CACNA2D3: variants seen among roughly 807,000 people sequenced by gnomAD.
The protein encoded by CACNA2D3 is voltage-dependent calcium channel subunit alpha-2/delta-3.
In CACNA2D3, 60 loss-of-function variants were observed where a neutral mutation model predicts 160.6. That is an observed-to-expected ratio of 0.37 (90% CI 0.30 to 0.46). The LOEUF (loss-of-function observed/expected upper bound fraction) is 0.46, where lower values mean the gene tolerates loss of function less well. CACNA2D3 is among the 20% of genes least tolerant of loss of function. The pLI is 1.00. For synonymous variants in CACNA2D3, 558 were observed against 492.9 expected (o/e 1.13, Z -1.75); for missense variants, 1,205 against 1,365.0 (o/e 0.88, Z 1.85).
intron 2 of CACNA2D3, among the ~76,000 whole-genome samples, chr3:54,165,714 C>A (rs1314634241): frequency 8.6e-5 from 13 of 151,826 alleles, no homozygotes; most frequent in Non-Finnish European, 1.5e-5. Context: ...GGGAGGATTG[C>A]TCGAGCCCAG....
chr3:54,250,874 G>A (rs1407921050), intron 2 of CACNA2D3, among the ~76,000 whole-genome samples: 2 of 152,168 alleles, frequency 1.3e-5, no homozygotes, highest in Non-Finnish European at 2.9e-5. Flanking sequence ...AGAGAAAGAG[G>A]CAATATGCCA....
intron 2 of CACNA2D3, among the ~76,000 whole-genome samples, chr3:54,288,823 A>T (rs1258999024): frequency 6.6e-6 from 1 of 152,140 alleles, no homozygotes; most frequent in African/African-American, 2.4e-5. Context: ...GACAAAAACC[A>T]CGTGATTATC....
At chr3:54,217,479 A>G (rs74484347) in intron 2 of CACNA2D3, among the ~76,000 whole-genome samples, 5,213 of 152,270 alleles carry the variant, frequency 0.034, 111 homozygotes, top group Middle Eastern at 0.088. Context: ...TGGAGGTGTA[A>G]TTAAATATTG....
At chr3:54,659,619 G>C (rs1699933240) in intron 11 of CACNA2D3, among the ~76,000 whole-genome samples, 1 of 152,128 alleles carries the variant, frequency 6.6e-6, no homozygotes, top group Non-Finnish European at 1.5e-5. Context: ...CAAGAAGCGT[G>C]TCCTGAATTT....
intron 9 of CACNA2D3, among the ~76,000 whole-genome samples, chr3:54,608,255 A>G (rs1444304545): frequency 6.6e-6 from 1 of 152,214 alleles, no homozygotes; most frequent in Non-Finnish European, 1.5e-5. Flanking sequence ...TAAAGATGTT[A>G]TCATTGGGGG....
chr3:54,593,937 C>T (rs1348186790), intron 9 of CACNA2D3, among the ~76,000 whole-genome samples: 1 of 152,138 alleles, frequency 6.6e-6, no homozygotes, highest in African/African-American at 2.4e-5. Context: ...AGATGTAGTA[C>T]AGAAACTATG....
chr3:54,642,072 C>A (rs1440311424), intron 10 of CACNA2D3, 56 bp from the exon 11 acceptor site: 52 of 1,144,590 alleles, frequency 4.5e-5, no homozygotes, highest in Non-Finnish European at 6.1e-5. Flanking sequence ...TGATTTTTCA[C>A]TGATACACAG....
At chr3:54,884,207 A>G (rs1699874021) in intron 21 of CACNA2D3, among the ~76,000 whole-genome samples, 1 of 152,222 alleles carries the variant, frequency 6.6e-6, no homozygotes, top group South Asian at 2.1e-4. Flanking sequence ...GTCCCATTTA[A>G]CTGTTTTCTG....
intron 35 of CACNA2D3, among the ~76,000 whole-genome samples, chr3:55,064,583 C>CCA (rs1171943679): frequency 6.6e-6 from 1 of 152,202 alleles, no homozygotes; most frequent in Admixed American, 6.5e-5. Flanking sequence ...CTGGACTTCA[C>CCA]TTATAAAACA....
At chr3:54,369,629 C>T (rs1445356791) in intron 3 of CACNA2D3, among the ~76,000 whole-genome samples, 1 of 152,172 alleles carries the variant, frequency 6.6e-6, no homozygotes, top group Non-Finnish European at 1.5e-5. Context: ...ATTTGCTGCC[C>T]AGACAGGTGT....
At chr3:54,735,507 C>T (rs890106237) in intron 11 of CACNA2D3, among the ~76,000 whole-genome samples, 11 of 152,140 alleles carry the variant, frequency 7.2e-5, no homozygotes, top group African/African-American at 2.4e-4. Flanking sequence ...TCTGGATGAC[C>T]CTTCGCATTG....
chr3:54,365,170 G>T (rs1698807750), intron 3 of CACNA2D3, among the ~76,000 whole-genome samples: 1 of 152,142 alleles, frequency 6.6e-6, no homozygotes, highest in Non-Finnish European at 1.5e-5. Flanking sequence ...CAAATGAAGT[G>T]GGGACCACTT....
At chr3:54,550,800 G>A (rs1405629121) in intron 5 of CACNA2D3, among the ~76,000 whole-genome samples, 1 of 152,136 alleles carries the variant, frequency 6.6e-6, no homozygotes, top group Non-Finnish European at 1.5e-5. Context: ...TTCCCCACAT[G>A]GATGCTGGGA....
Position 54,446,191 on chromosome 3 carries a change from A to C in CACNA2D3, c.382-57301A>C, listed in dbSNP as rs149667705. 4.6e-5 allele frequency among the ~76,000 whole-genome samples: 7 copies of C among 152,316 alleles called. No individual in the cohort carries two copies. The East Asian group carries it at 1.4e-3, about 29-fold the overall frequency. On this transcript the variant is annotated intron_variant, in intron 4 of 37. Transcript: ENST00000474759. ...AGAGGCTTCAATTTCAACAACCTTC[A>C]TGTCTCCTAACGAATATGCTGTCTT...
At chr3:54,670,282 G>A (rs910583460) in intron 11 of CACNA2D3, among the ~76,000 whole-genome samples, 3 of 152,192 alleles carry the variant, frequency 2.0e-5, no homozygotes, top group Admixed American at 1.3e-4. Context: ...GGCACAAGCT[G>A]TTAATAAATT....
At chr3:54,448,990 A>G (rs185692509) in intron 4 of CACNA2D3, among the ~76,000 whole-genome samples, 9 of 152,352 alleles carry the variant, frequency 5.9e-5, no homozygotes, top group Admixed American at 5.9e-4. Context: ...TTTGTCTTGA[A>G]TTTATTTATT....
At position 54,549,776 on chromosome 3, in the gene CACNA2D3, G is replaced by A. The variant is rs1051670884; in HGVS notation, c.545-13024G>A. Among the ~76,000 whole-genome samples, 9 of 152,176 alleles carry A rather than the reference G, an allele frequency of 5.9e-5. 1 individual carries two copies. Among genetic ancestry groups the A allele is most frequent in the South Asian group, 4.1e-4 (2 of 4,830 alleles). On this transcript the variant is annotated intron_variant, in intron 5 of 37. Transcript: ENST00000474759. The stretch of plus-strand genomic sequence containing the variant: ...CAATTATATTTCAGACCCTGTCAGG[G>A]TACCTGCTAGCCTCGGGGCTGTGTT...
chr3:54,185,458 A>T (rs1428099285), intron 2 of CACNA2D3, among the ~76,000 whole-genome samples: 1 of 152,196 alleles, frequency 6.6e-6, no homozygotes, highest in Non-Finnish European at 1.5e-5. Context: ...TTAAGATCCA[A>T]AATTTTAATT....
At chr3:55,007,587 T>C (rs1227151329) in intron 32 of CACNA2D3, among the ~76,000 whole-genome samples, 1 of 152,234 alleles carries the variant, frequency 6.6e-6, no homozygotes, top group Admixed American at 6.5e-5. Context: ...CACATCTCAC[T>C]AGAGTGGAGT....
Sources: allele counts gnomAD v4.1 joint callset (sites outside exome capture counted in the v4.1 genomes callset), GRCh38; gene constraint gnomAD v4.1.1; transcripts MANE v1.5; gene names NCBI Gene and HGNC (gene_info 2026-07-23, HGNC 2026-07-21).